The following MAGI2 variants were observed in gnomAD, a reference collection of about 807,000 sequenced individuals.
MAGI2 encodes the protein membrane associated guanylate kinase, WW and PDZ domain containing 2.
In MAGI2, 35 loss-of-function variants were observed where a neutral mutation model predicts 133.3. The observed-to-expected ratio is 0.26, with a 90% CI of 0.20 to 0.35. The LOEUF is 0.35. Among genes scored for constraint, MAGI2 ranks in the 10% least tolerant of loss-of-function variants. MAGI2 has a pLI of 1.00. For synonymous variants in MAGI2, 729 were observed against 710.6 expected (o/e 1.03, Z -0.41); for missense variants, 1,636 against 1,863.4 (o/e 0.88, Z 2.25).
chr7:78,944,669 C>A (rs1366307766), intron 2 of MAGI2, among the ~76,000 whole-genome samples: 2 of 151,818 alleles, frequency 1.3e-5, no homozygotes, highest in Admixed American at 6.6e-5. Flanking sequence ...CCCACTAGCA[C>A]CCAGGGATAT....
intron 9 of MAGI2, among the ~76,000 whole-genome samples, chr7:78,266,373 G>T (rs949674127): frequency 6.6e-6 from 1 of 151,486 alleles, no homozygotes; most frequent in African/African-American, 2.4e-5. Flanking sequence ...GCTAATTTTT[G>T]TATATTTTGG....
chr7:78,833,730 C>G (rs529072643), intron 2 of MAGI2, among the ~76,000 whole-genome samples: 2 of 152,148 alleles, frequency 1.3e-5, no homozygotes, highest in African/African-American at 4.8e-5. Flanking sequence ...TCAGAAGCAG[C>G]GCTGAAGCAC....
At chr7:78,731,689 T>G (rs541132699) in intron 2 of MAGI2, among the ~76,000 whole-genome samples, 26 of 152,250 alleles carry the variant, frequency 1.7e-4, no homozygotes, top group Admixed American at 1.4e-3. Context: ...ACAAAAATCT[T>G]CCACTCTTCA....
intron 9 of MAGI2, among the ~76,000 whole-genome samples, chr7:78,279,236 T>C (rs562000129): frequency 2.0e-5 from 3 of 152,280 alleles, no homozygotes; most frequent in Non-Finnish European, 2.9e-5. Context: ...ATCAGAACTC[T>C]CAGTTAAACA....
At chr7:79,228,142 A>C (rs1160546128) in intron 1 of MAGI2, among the ~76,000 whole-genome samples, 6 of 151,834 alleles carry the variant, frequency 4.0e-5, no homozygotes, top group Admixed American at 3.9e-4. Context: ...CCAGGAGTTC[A>C]AGACTAGCCT....
At chr7:78,082,602 T>C (rs1816106356) in intron 20 of MAGI2, among the ~76,000 whole-genome samples, 1 of 152,212 alleles carries the variant, frequency 6.6e-6, no homozygotes, top group Non-Finnish European at 1.5e-5. Context: ...GTGAGGGTTG[T>C]GTCTACTGAT....
At chr7:79,267,999 C>T (rs917725127) in intron 1 of MAGI2, among the ~76,000 whole-genome samples, 7 of 152,078 alleles carry the variant, frequency 4.6e-5, no homozygotes, top group African/African-American at 1.7e-4. Flanking sequence ...TTCAGTTTTC[C>T]TTCCTACAGT....
At chr7:79,262,658 C>T (rs532801170) in intron 1 of MAGI2, among the ~76,000 whole-genome samples, 28 of 152,288 alleles carry the variant, frequency 1.8e-4, no homozygotes, top group Non-Finnish European at 3.7e-4. Context: ...AAGTGAGTTG[C>T]TAGACCCGGG....
chr7:78,045,735 A>C (rs966012170), intron 21 of MAGI2, among the ~76,000 whole-genome samples: 2 of 152,110 alleles, frequency 1.3e-5, no homozygotes, highest in African/African-American at 4.8e-5. Flanking sequence ...AATTTCCTTT[A>C]CAATTATGTA....
intron 4 of MAGI2, among the ~76,000 whole-genome samples, chr7:78,505,430 T>C (rs528262388): frequency 6.6e-6 from 1 of 152,280 alleles, no homozygotes; most frequent in South Asian, 2.1e-4. Flanking sequence ...GTAAGTTTTG[T>C]AGGATAAAAG....
chr7:78,272,977 G>A (rs1794732553), intron 9 of MAGI2, among the ~76,000 whole-genome samples: 1 of 152,266 alleles, frequency 6.6e-6, no homozygotes, highest in East Asian at 1.9e-4. Flanking sequence ...ATTTGATCCT[G>A]TCATTATGAT....
chr7:78,901,044 G>A (rs1490376146), intron 2 of MAGI2, among the ~76,000 whole-genome samples: 1 of 152,100 alleles, frequency 6.6e-6, no homozygotes, highest in Non-Finnish European at 1.5e-5. Context: ...GACGAATTAG[G>A]AGCATGGATA....
intron 2 of MAGI2, among the ~76,000 whole-genome samples, chr7:78,985,476 G>T (rs547753693): frequency 5.5e-4 from 84 of 152,030 alleles, no homozygotes; most frequent in African/African-American, 1.9e-3. Flanking sequence ...CTTTATTCAT[G>T]TCCTATGAAC....
intron 5 of MAGI2, among the ~76,000 whole-genome samples, chr7:78,493,654 G>A (rs1262410220): frequency 6.6e-6 from 1 of 151,904 alleles, no homozygotes; most frequent in East Asian, 1.9e-4. Flanking sequence ...TCTGAAACCA[G>A]AGGCATCCGG....
chr7:78,678,794 T>C (rs939356948), intron 2 of MAGI2, among the ~76,000 whole-genome samples: 3 of 152,164 alleles, frequency 2.0e-5, no homozygotes, highest in Non-Finnish European at 4.4e-5. Context: ...CCCAAATGAC[T>C]ATAGAAATAA....
intron 4 of MAGI2, among the ~76,000 whole-genome samples, chr7:78,517,865 C>T (rs775675078): frequency 2.6e-5 from 4 of 151,936 alleles, no homozygotes; most frequent in South Asian, 2.1e-4. Flanking sequence ...ATGTGAATTT[C>T]GATAACATTG....
At chr7:78,721,140 A>G (rs927526499) in intron 2 of MAGI2, among the ~76,000 whole-genome samples, 1 of 152,008 alleles carries the variant, frequency 6.6e-6, no homozygotes, top group African/African-American at 2.4e-5. Context: ...TAGGAAATCT[A>G]TGTATTCTGT....
intron 2 of MAGI2, 64 bp downstream of exon 2, chr7:79,007,026 A>G (rs1807522978): frequency 8.5e-7 from 1 of 1,174,278 alleles, no homozygotes; most frequent in Admixed American, 2.6e-5. Flanking sequence ...CTTTTAATCA[A>G]TGAATATATA....
intron 3 of MAGI2, among the ~76,000 whole-genome samples, chr7:78,554,281 G>A (rs115067443): frequency 0.017 from 2,586 of 152,224 alleles, 40 homozygotes; most frequent in African/African-American, 0.049. Context: ...TTGTGTAAGC[G>A]CTTGTGAAAG....
Sources: allele counts gnomAD v4.1 joint callset (sites outside exome capture counted in the v4.1 genomes callset), GRCh38; gene constraint gnomAD v4.1.1; transcripts MANE v1.5; gene names NCBI Gene and HGNC (gene_info 2026-07-23, HGNC 2026-07-21).